Variants in FARS2 observed in about 807,000 individuals in gnomAD.
The protein encoded by FARS2 is phenylalanine--tRNA ligase, mitochondrial.
Under a neutral mutation model 46.4 loss-of-function variants are expected in FARS2, and 40 were observed. The observed-to-expected ratio is 0.86, with a 90% CI of 0.67 to 1.12. The LOEUF is 1.12. FARS2 is among the 50% of genes most tolerant of loss of function. The pLI is 0.00. For synonymous variants in FARS2, 234 were observed against 214.9 expected, an observed-to-expected ratio of 1.09 and a Z score of -0.78; for missense variants, 513 against 567.9, an observed-to-expected ratio of 0.90 and a Z score of 0.98.
chr6:5,466,665 A>G (rs1424951741), intron 4 of FARS2: 1 of 985,326 alleles, frequency 1.0e-6, no homozygotes, highest in Non-Finnish European at 1.2e-6. Flanking sequence ...TGGCAAAGTG[A>G]CTCAGTGATT....
chr6:5,506,210 G>A (rs890582783), intron 4 of FARS2, among the ~76,000 whole-genome samples: 4 of 152,106 alleles, frequency 2.6e-5, no homozygotes, highest in Non-Finnish European at 4.4e-5. Flanking sequence ...GATCAGCTCC[G>A]CCTCATCCAG....
chr6:5,534,069 A>G (rs999439716), intron 4 of FARS2, among the ~76,000 whole-genome samples: 1 of 152,186 alleles, frequency 6.6e-6, no homozygotes, highest in Non-Finnish European at 1.5e-5. Context: ...GCTGTTCTTC[A>G]TTTTATGAGA....
chr6:5,484,283 A>G (rs2150348463), intron 4 of FARS2, among the ~76,000 whole-genome samples: 1 of 152,356 alleles, frequency 6.6e-6, no homozygotes, highest in South Asian at 2.1e-4. Context: ...GTTATGTGGC[A>G]TTGGTGCATT....
intron 2 of FARS2, among the ~76,000 whole-genome samples, chr6:5,373,301 C>T (rs1581916528): frequency 1.3e-5 from 2 of 152,106 alleles, no homozygotes; most frequent in Admixed American, 6.6e-5. Flanking sequence ...CTACCTCACA[C>T]TAAATCTTCA....
intron 3 of FARS2, among the ~76,000 whole-genome samples, chr6:5,416,466 ACT>A (rs1181303916): frequency 2.0e-5 from 3 of 151,984 alleles, no homozygotes; most frequent in Non-Finnish European, 4.4e-5. Context: ...CTATTTCTGG[ACT>A]CTCTATTCTG....
At chr6:5,355,694 A>G (rs1757873968) in intron 1 of FARS2, among the ~76,000 whole-genome samples, 1 of 151,900 alleles carries the variant, frequency 6.6e-6, no homozygotes, top group African/African-American at 2.4e-5. Context: ...AGCAGTGGTC[A>G]TAATATTCAC....
chr6:5,430,057 G>T (rs1763074357), intron 3 of FARS2, among the ~76,000 whole-genome samples: 1 of 151,946 alleles, frequency 6.6e-6, no homozygotes, highest in Non-Finnish European at 1.5e-5. Flanking sequence ...GATTTAACAT[G>T]CAGGTAGTTT....
chr6:5,742,959 G>A (rs1349468825), intron 6 of FARS2, among the ~76,000 whole-genome samples: 2 of 151,978 alleles, frequency 1.3e-5, no homozygotes, highest in Admixed American at 1.3e-4. Flanking sequence ...TGTGTTTCCT[G>A]AAGGCCAGCA....
chr6:5,658,174 T>A (rs1177751949), intron 6 of FARS2, among the ~76,000 whole-genome samples: 1 of 151,788 alleles, frequency 6.6e-6, no homozygotes, highest in Non-Finnish European at 1.5e-5. Flanking sequence ...GAGAATTGCT[T>A]GAACCCGGAA....
rs75008751 is a variant in FARS2 at position 5,293,404 on chromosome 6, A to G, written c.-22+31744A>G. ...AGCAGGAAAGATGGATGCTGATGCAATTAAGGTTGCATGCATGCTAGGAGG... is the reference window on the plus strand; with the variant it reads ...AGCAGGAAAGATGGATGCTGATGCAGTTAAGGTTGCATGCATGCTAGGAGG... On this transcript the variant is annotated intron_variant, in intron 1 of 6. Coordinates refer to ENST00000274680, the MANE Select transcript of FARS2 (RefSeq NM_006567.5). Among the ~76,000 whole-genome samples the G allele has an allele frequency of 2.7e-3, 409 of 152,242 alleles. 1 individual carries two copies. The highest frequency in any genetic ancestry group is 9.3e-3 in the African/African-American group (385 of 41,552).
At chr6:5,607,981 GTATT>G (rs962408740) in intron 5 of FARS2, among the ~76,000 whole-genome samples, 8 of 68,684 alleles carry the variant, frequency 1.2e-4, no homozygotes, top group Non-Finnish European at 1.9e-4. Context: ...ACTTGGGCAT[GTATT>G]TTTTTTTTTT....
At chr6:5,625,490 G>A (rs1176174725) in intron 6 of FARS2, among the ~76,000 whole-genome samples, 1 of 152,218 alleles carries the variant, frequency 6.6e-6, no homozygotes, top group Non-Finnish European at 1.5e-5. Context: ...GCATAGACAG[G>A]GATGAGGTCA....
upstream of FARS2, among the ~76,000 whole-genome samples, chr6:5,256,981 T>G (rs961334904): frequency 6.6e-6 from 1 of 152,184 alleles, no homozygotes; most frequent in African/African-American, 2.4e-5. Flanking sequence ...ATTTATCAAA[T>G]ACAACATTCT....
intron 1 of FARS2, among the ~76,000 whole-genome samples, chr6:5,318,865 C>T (rs953459469): frequency 1.3e-5 from 2 of 152,132 alleles, no homozygotes; most frequent in African/African-American, 4.8e-5. Context: ...CAGCAACTGC[C>T]ATGCAGAAAA....
intron 4 of FARS2, among the ~76,000 whole-genome samples, chr6:5,502,981 T>G (rs1166008634): frequency 1.3e-5 from 2 of 152,160 alleles, no homozygotes; most frequent in African/African-American, 4.8e-5. Context: ...CACACCTGAT[T>G]GTGCGTGTGA....
Position 5,431,681 on chromosome 6 carries a change from G to A in FARS2, c.904+509G>A, listed in dbSNP as rs763700690. 7.5e-6 allele frequency: 4 copies of A among 533,056 alleles called. No homozygotes were observed. In the Admixed American group the frequency reaches 7.8e-5, roughly 10 times the overall value. The allele number at this position is 533,056 out of a possible 1,614,324, so 33.0% of individuals were successfully genotyped here. On this transcript the variant is annotated intron_variant, in intron 4 of 6. Transcript: ENST00000274680. ...TCCCTCTGCATAGGCGGCGCCACCT[G>A]ACTGAGAGAAAATGGAAACACGAGG...
chr6:5,469,330 G>A (rs933102824), intron 4 of FARS2, among the ~76,000 whole-genome samples: 2 of 152,208 alleles, frequency 1.3e-5, no homozygotes, highest in African/African-American at 4.8e-5. Flanking sequence ...CAGCAGAACC[G>A]GCCTGTCTCC....
At chr6:5,751,033 G>A (rs1457886768) in intron 6 of FARS2, among the ~76,000 whole-genome samples, 2 of 152,052 alleles carry the variant, frequency 1.3e-5, no homozygotes, top group African/African-American at 2.4e-5. Flanking sequence ...TGGGGGGCTG[G>A]GCCGGAATCC....
At chr6:5,635,952 T>C (rs1284823011) in intron 6 of FARS2, among the ~76,000 whole-genome samples, 1 of 152,132 alleles carries the variant, frequency 6.6e-6, no homozygotes, top group Non-Finnish European at 1.5e-5. Flanking sequence ...TCTATTGGTA[T>C]TTCAAAAAAA....
Sources: allele counts gnomAD v4.1 joint callset (sites outside exome capture counted in the v4.1 genomes callset), GRCh38; gene constraint gnomAD v4.1.1; transcripts MANE v1.5; gene names NCBI Gene and HGNC (gene_info 2026-07-23, HGNC 2026-07-21).